GRM4: variants seen among roughly 807,000 people sequenced by gnomAD.
GRM4 encodes glutamate metabotropic receptor 4, also known as metabotropic glutamate receptor 4.
Under a neutral mutation model 81.7 loss-of-function variants are expected in GRM4, and 28 were observed. That is an observed-to-expected ratio of 0.34 (90% CI 0.25 to 0.47). GRM4 has a LOEUF of 0.47. Ranked by LOEUF, GRM4 falls within the 20% of genes least tolerant of loss-of-function variation. The probability of loss-of-function intolerance (pLI) is 1.00; values close to 1 mark genes in which losing one functional copy is unlikely to be tolerated. For synonymous variants in GRM4, 488 were observed against 528.8 expected (o/e 0.92, Z 1.06); for missense variants, 948 against 1,290.0 (o/e 0.73, Z 4.06).
At position 34,131,691 on chromosome 6, in the gene GRM4, G is replaced by A. The variant is rs370753290; in HGVS notation, c.519+1287C>T. On this transcript the variant is annotated intron_variant, in intron 2 of 10. Transcript: ENST00000538487. ...CCTGGGCCCCCAGACATGCCCCCAA[G>A]TCCTGATGCATCATGGGAAGTGGGC... 3.6e-4 allele frequency among the ~76,000 whole-genome samples: 55 copies of A among 152,220 alleles called. No individual in the cohort carries two copies. The South Asian group carries it at 5.2e-3, about 14-fold the overall frequency.
rs964331886 is a variant in GRM4 at position 34,155,091 on chromosome 6, C to G, written c.300G>C (p.Pro100=). 7 of 1,523,070 alleles carry G rather than the reference C, an allele frequency of 4.6e-6. No individual in the cohort carries two copies. In the African/African-American group the frequency reaches 9.6e-5, roughly 21 times the overall value. The allele number at this position is 1,523,070 out of a possible 1,614,324, so 94.3% of individuals were successfully genotyped here. ...GCTTGTTTTTCACCTGAGCAGATTCCGGAAGGAGGCAGCGGGGGCGGCGGG... is the reference window on the plus strand; with the variant it reads ...GCTTGTTTTTCACCTGAGCAGATTCGGGAAGGAGGCAGCGGGGGCGGCGGG... The change falls in exon 1 of 9, where the codon CCG becomes CCC. Residue 100 remains proline (P), a synonymous_variant. Transcript: ENST00000374177.
At position 34,040,610 on chromosome 6, in the gene GRM4, G is replaced by C; in HGVS notation, c.1307C>G (p.Pro436Arg). 6.2e-7 allele frequency: 1 copy of C among 1,614,118 alleles called. No homozygotes were observed. The highest frequency in any genetic ancestry group is 8.5e-7 in the Non-Finnish European group (1 of 1,179,992). Reference protein sequence around the residue: ...DLCPGRVGLCPRMDPVDGTQL... With the variant: ...DLCPGRVGLCRRMDPVDGTQL... ...GGTGCCATCTACAGGGTCCATGCGC[G>C]GGCAGAGCCCCACGCGGCCGGGACA... Residue 436 changes from proline to arginine, a missense_variant, in exon 7 of 11, where the codon CCG (proline) becomes CGG (arginine). Pro to Arg is a moderately radical substitution (Grantham distance 103). Transcript: ENST00000538487.
At chr6:34,082,596 A>T (rs147164699) in intron 3 of GRM4, among the ~76,000 whole-genome samples, 2 of 152,356 alleles carry the variant, frequency 1.3e-5, no homozygotes, top group Non-Finnish European at 2.9e-5. Context: ...AGCCAGGACC[A>T]GAACTCAGCC....
chr6:34,123,147 G>A (rs1163329888), intron 2 of GRM4, among the ~76,000 whole-genome samples: 4 of 152,164 alleles, frequency 2.6e-5, no homozygotes, highest in African/African-American at 4.8e-5. Flanking sequence ...AGCAGGACCT[G>A]GGCCACAGGT....
chr6:34,043,338 C>T (rs150933563), intron 6 of GRM4, among the ~76,000 whole-genome samples: 10 of 152,296 alleles, frequency 6.6e-5, no homozygotes, highest in East Asian at 1.9e-4. Flanking sequence ...ATGGAATGGA[C>T]GATCCCATCC....
In GRM4 at chr6:34,048,084, C is replaced by A. The variant is rs1179447881; in HGVS notation, c.1169-7336G>T. On this transcript the variant is annotated intron_variant, in intron 6 of 10. Transcript: ENST00000538487. This position sits in a 1 kb window ranked among gnomAD's most constrained non-coding sequence, Gnocchi z 4.0. ...GAGCTCACTTGGGGATGGCCATCAA[C>A]ATGAGAATGCAGACTTTAAGAATCC... Among the ~76,000 whole-genome samples the A allele has an allele frequency of 6.6e-6, 1 of 152,176 alleles. No individual in the cohort carries two copies. Among genetic ancestry groups the A allele is most frequent in the Non-Finnish European group, 1.5e-5 (1 of 68,036 alleles).
chr6:34,059,580 C>T lies in GRM4; in HGVS notation c.873-452G>A, dbSNP rs528517534. ...CACCATCACACAACCGCCGCCCTCA[C>T]CCCTCTGCACATGCTGCCTTCTGCC... is the stretch of plus-strand genomic sequence containing the variant. On this transcript the variant is annotated intron_variant, in intron 4 of 10. Transcript: ENST00000538487. The surrounding 1 kb of genome is among the most constrained non-coding windows in gnomAD (Gnocchi z 5.7). 115 of 184,234 alleles carry T rather than the reference C, an allele frequency of 6.2e-4. No individual in the cohort carries two copies. Among genetic ancestry groups the T allele is most frequent in the African/African-American group, 2.7e-3 (113 of 42,610 alleles). 11.4% of individuals were successfully genotyped at this position (184,234 alleles called of 1,614,324 possible).
rs937735537 is a variant in GRM4, at chr6:34,064,963, C to T, written c.737-2935G>A. Among the ~76,000 whole-genome samples the T allele has an allele frequency of 1.3e-5, 2 of 152,164 alleles. No individual in the cohort carries two copies. The highest frequency in any genetic ancestry group is 2.9e-5 in the Non-Finnish European group (2 of 68,022). ...AATCCTGGTCTGTGTCCAGAGCCTC[C>T]CTGAGGCGGAGAGGCCCCCATTTCC... On this transcript the variant is annotated intron_variant, in intron 3 of 10. Transcript: ENST00000538487. The surrounding 1 kb of genome is among the most constrained non-coding windows in gnomAD (Gnocchi z 4.4).
At chr6:34,116,297 C>T (rs530145964) in intron 2 of GRM4, among the ~76,000 whole-genome samples, 1 of 152,224 alleles carries the variant, frequency 6.6e-6, no homozygotes, top group East Asian at 1.9e-4. Context: ...AAAATGGGGC[C>T]GGTGATACTG....
intron 1 of GRM4, among the ~76,000 whole-genome samples, chr6:34,154,902 G>T (rs1297935858): frequency 6.6e-6 from 1 of 152,200 alleles, no homozygotes; most frequent in African/African-American, 2.4e-5. Flanking sequence ...CACCAGCCAG[G>T]CTCCCCATCG....
chr6:34,103,518 G>A (rs893431146), intron 2 of GRM4: 32 of 1,317,616 alleles, frequency 2.4e-5, no homozygotes, highest in Non-Finnish European at 3.3e-5. Flanking sequence ...GAGCAAACGC[G>A]ATCCTCAAAT....
intron 3 of GRM4, among the ~76,000 whole-genome samples, chr6:34,084,596 A>G (rs898761943): frequency 6.6e-6 from 1 of 152,188 alleles, no homozygotes; most frequent in Non-Finnish European, 1.5e-5. Context: ...GGAGATGGTC[A>G]GCCAAGCCAG....
At position 34,074,097 on chromosome 6, in the gene GRM4, G is replaced by T. The variant is rs1767179484; in HGVS notation, c.737-12069C>A. 6.6e-6 allele frequency among the ~76,000 whole-genome samples: 1 copy of T among 152,190 alleles called. No homozygotes were observed. Among genetic ancestry groups the T allele is most frequent in the Admixed American group, 6.5e-5 (1 of 15,288 alleles). ...CATCCCTTCCCCTGCCAGGAGAACG[G>T]GGCTGGATCTCGAGGTGCAGGGGCG... On this transcript the variant is annotated intron_variant, in intron 3 of 10. Coordinates refer to ENST00000538487, the MANE Select transcript of GRM4 (RefSeq NM_000841.4). The surrounding 1 kb of genome is among the most constrained non-coding windows in gnomAD (Gnocchi z 4.9).
In GRM4 at chr6:34,155,613, C is replaced by T. The variant is rs1771136808; in HGVS notation, c.-223G>A. 8.8e-6 allele frequency: 4 copies of T among 455,474 alleles called. No individual in the cohort carries two copies. In the Admixed American group the frequency reaches 1.6e-4, roughly 19 times the overall value. 28.2% of individuals were successfully genotyped at this position (455,474 alleles called of 1,614,324 possible). Reference sequence around the variant, plus strand: ...GGGCTCAAGCGATCCTCCAGCAAAGCGCTGGGATTACGGACAGGAGCTGCG... The same window carrying T: ...GGGCTCAAGCGATCCTCCAGCAAAGTGCTGGGATTACGGACAGGAGCTGCG... On this transcript the variant is annotated 5_prime_UTR_variant, in exon 1 of 9. Coordinates refer to the GRM4 transcript ENST00000374177.
chr6:34,127,692 G>A (rs546186788), intron 2 of GRM4, among the ~76,000 whole-genome samples: 3 of 152,244 alleles, frequency 2.0e-5, no homozygotes, highest in East Asian at 1.9e-4. Flanking sequence ...GATGGAGGCC[G>A]TGAGGAGTTG....
chr6:34,148,178 T>C (rs549834631), upstream of GRM4, among the ~76,000 whole-genome samples: 239 of 152,072 alleles, frequency 1.6e-3, 1 homozygote, highest in African/African-American at 5.5e-3. Flanking sequence ...GTTCCCAGCC[T>C]GAGGCCTAGC....
intron 5 of GRM4, among the ~76,000 whole-genome samples, chr6:34,057,638 T>C (rs904602569): frequency 1.1e-4 from 17 of 152,194 alleles, no homozygotes; most frequent in African/African-American, 2.9e-4. Context: ...TTGCCAAATA[T>C]CCCCTTGGGG....
rs147405737 is a variant in GRM4 at position 34,134,060 on chromosome 6, C to T, written c.-363-201G>A. ...GGAGAGTGTATGGCAGAAATTAGGT[C>T]ATGTTTGAAGCTTCCTAAGGCCTGT... On this transcript the variant is annotated intron_variant, in intron 1 of 10. Transcript: ENST00000538487. Among the ~76,000 whole-genome samples, 16 of 152,240 alleles carry T rather than the reference C, an allele frequency of 1.1e-4. 2 individuals are homozygous for T. Among genetic ancestry groups the T allele is most frequent in the African/African-American group, 3.6e-4 (15 of 41,540 alleles).
At position 34,036,667 on chromosome 6, in the gene GRM4, A is replaced by G; in HGVS notation, c.1507-64T>C. ...GCCACCCGGTGCCCCGGACCATCCT[A>G]CTGGGTGGTGGCACCTTGTAGCCCC... On this transcript the variant is annotated intron_variant, in intron 8 of 10. Transcript: ENST00000538487. This position sits in a 1 kb window ranked among gnomAD's most constrained non-coding sequence, Gnocchi z 9.0. The G allele has an allele frequency of 1.1e-6, 1 of 911,686 alleles. No individual in the cohort carries two copies. The allele number at this position is 911,686 out of a possible 1,614,324, so 56.5% of individuals were successfully genotyped here.
Sources: gnomAD v4.1 joint callset for allele counts (sites outside exome capture counted in the v4.1 genomes callset) on GRCh38, gnomAD v4.1.1 for gene constraint, Gnocchi (gnomAD v3.1) non-coding constraint, MANE v1.5 for transcripts, NCBI Gene and HGNC (gene_info 2026-07-23, HGNC 2026-07-21) for gene names.